Variants in SLC22A4 observed in about 807,000 individuals in gnomAD.
SLC22A4 encodes the protein solute carrier family 22 member 4.
In SLC22A4, 39 loss-of-function variants were observed where a neutral mutation model predicts 56.6. That is an observed-to-expected ratio of 0.69 (90% CI 0.53 to 0.90). The LOEUF is 0.90. Ranked by LOEUF, SLC22A4 falls within the 40% of genes least tolerant of loss-of-function variation. The pLI is 0.00. For synonymous variants in SLC22A4, 241 were observed against 281.4 expected (o/e 0.86, Z 1.44); for missense variants, 594 against 696.5 (o/e 0.85, Z 1.66).
intron 3 of SLC22A4, among the ~76,000 whole-genome samples, chr5:132,319,301 C>CAA (rs55756450): frequency 2.3e-5 from 2 of 85,494 alleles, no homozygotes; most frequent in Non-Finnish European, 2.7e-5. Context: ...AAGTCTGTCT[C>CAA]AAAAAAAAAA....
At chr5:132,306,280 A>G (rs1052123812) in intron 1 of SLC22A4, among the ~76,000 whole-genome samples, 3 of 150,844 alleles carry the variant, frequency 2.0e-5, no homozygotes, top group Non-Finnish European at 4.4e-5. Flanking sequence ...TTGTACATGA[A>G]TGTTCACAGC....
At chr5:132,320,806 A>T (rs1419806439) in intron 3 of SLC22A4, 1 of 152,222 alleles carries the variant, frequency 6.6e-6, no homozygotes. Context: ...TGACTGAGAA[A>T]ATCTCTCTTA....
At chr5:132,328,043 T>C (rs1272645899) in intron 5 of SLC22A4, among the ~76,000 whole-genome samples, 2 of 152,184 alleles carry the variant, frequency 1.3e-5, no homozygotes, top group African/African-American at 2.4e-5. Context: ...TAAAGGAACA[T>C]AGAATGTAAC....
rs1232802059 is a variant in SLC22A4, at chr5:132,328,592, CAACAA to C, written c.951+1190_951+1194del. ...TAAATGGATAAAACAACAACAACAA[CAACAA>C]CAACAACATTGGGAGTGTCTAACAC... On this transcript the variant is annotated intron_variant, in intron 5 of 9. Transcript: ENST00000200652. 2.0e-5 allele frequency among the ~76,000 whole-genome samples: 3 copies of C among 151,906 alleles called. No homozygotes were observed. In the East Asian group the frequency reaches 5.8e-4, roughly 29 times the overall value.
intron 9 of SLC22A4, 34 bp from the exon 10 acceptor site, chr5:132,343,726 A>C: frequency 1.5e-6 from 2 of 1,352,136 alleles, no homozygotes; most frequent in Non-Finnish European, 2.1e-6. Context: ...AGTCTTGAAT[A>C]TTTAATTTTC....
At chr5:132,311,218 C>T (rs1173470615) in intron 1 of SLC22A4, 1 of 152,182 alleles carries the variant, frequency 6.6e-6, no homozygotes, top group African/African-American at 2.4e-5. Flanking sequence ...GGGGTCTTTC[C>T]TCCAGACTGG....
intron 6 of SLC22A4, chr5:132,332,074 G>A: frequency 2.0e-6 from 1 of 490,814 alleles, no homozygotes; most frequent in Non-Finnish European, 3.7e-6. Context: ...AGCACTTTGG[G>A]AGGCCAAGGT....
In SLC22A4 at chr5:132,311,967, G is replaced by A. The variant is rs1163304721; in HGVS notation, c.394-194G>A. The A allele has an allele frequency of 7.7e-6, 5 of 649,048 alleles. No homozygotes were observed. In the Admixed American group the frequency reaches 1.1e-4, roughly 14 times the overall value. The allele number at this position is 649,048 out of a possible 1,614,324, so 40.2% of individuals were successfully genotyped here. A position where few individuals can be genotyped will look rare whatever the true frequency, so the allele number is the denominator to read the frequency against. On this transcript the variant is annotated intron_variant, in intron 1 of 9. Transcript: ENST00000200652. ...CAGGGAGGGCAGTGACCTGCCCCAG[G>A]TTACTCTCCCCAGTCCCGGCACAGG...
intron 1 of SLC22A4, chr5:132,295,710 C>CCGAG: frequency 1.1e-5 from 2 of 185,676 alleles, no homozygotes; most frequent in Non-Finnish European, 2.3e-5. Flanking sequence ...GATGCACACA[C>CCGAG]ACTTCTCCCG....
intron 1 of SLC22A4, among the ~76,000 whole-genome samples, chr5:132,305,633 G>A (rs1750009292): frequency 6.6e-6 from 1 of 152,196 alleles, no homozygotes; most frequent in Admixed American, 6.5e-5. Flanking sequence ...AGAAGGCAGT[G>A]GAGTGGCATA....
chr5:132,316,792 A>G (rs1750370830), intron 3 of SLC22A4, among the ~76,000 whole-genome samples: 1 of 152,230 alleles, frequency 6.6e-6, no homozygotes, highest in Non-Finnish European at 1.5e-5. Flanking sequence ...TGCAGCTTTT[A>G]CCAGCCACAT....
intron 6 of SLC22A4, among the ~76,000 whole-genome samples, chr5:132,334,086 G>C (rs1311777834): frequency 6.6e-6 from 1 of 152,104 alleles, no homozygotes; most frequent in Admixed American, 6.5e-5. Context: ...TGGGATTTCA[G>C]GCATGAGCCA....
At chr5:132,338,425 T>C (rs1751091668) in intron 8 of SLC22A4, among the ~76,000 whole-genome samples, 1 of 152,172 alleles carries the variant, frequency 6.6e-6, no homozygotes, top group African/African-American at 2.4e-5. Flanking sequence ...TGGGCACGCA[T>C]TGTCATTGAT....
At chr5:132,312,092 T>A in intron 1 of SLC22A4, 69 bp from the exon 2 acceptor site, 1 of 932,162 alleles carries the variant, frequency 1.1e-6, no homozygotes, top group South Asian at 1.3e-5. Context: ...TAATATTCCC[T>A]CAGAGCTGGG....
chr5:132,333,369 T>C (rs1255921576), intron 6 of SLC22A4, among the ~76,000 whole-genome samples: 1 of 152,176 alleles, frequency 6.6e-6, no homozygotes, highest in Non-Finnish European at 1.5e-5. Context: ...CGCTCCTCTT[T>C]TTGAAGCGGA....
intron 1 of SLC22A4, among the ~76,000 whole-genome samples, chr5:132,298,393 G>C (rs563911815): frequency 3.2e-4 from 49 of 152,340 alleles, no homozygotes; most frequent in Admixed American, 1.2e-3. Context: ...ATTATTTTCT[G>C]ATTTCACTAC....
intron 1 of SLC22A4, among the ~76,000 whole-genome samples, chr5:132,308,212 G>A (rs972571634): frequency 6.6e-6 from 1 of 152,044 alleles, no homozygotes; most frequent in Non-Finnish European, 1.5e-5. Flanking sequence ...ACCCCACCCA[G>A]GGCTGCTGGC....
At chr5:132,335,241 AC>A (rs59616671) in intron 7 of SLC22A4, among the ~76,000 whole-genome samples, 4,130 of 152,202 alleles carry the variant, frequency 0.027, 129 homozygotes, top group African/African-American at 0.077. Flanking sequence ...ATTTCTGGCT[AC>A]TCTCAAACAT....
chr5:132,294,910 G>T lies in SLC22A4; in HGVS notation c.294G>T (p.Glu98Asp). Residue 98 changes from glutamate (E) to aspartate (D), a missense_variant, in exon 1 of 10, where the codon GAG becomes GAT. Physicochemically the swap from Glu to Asp is conservative, Grantham distance 45. Coordinates refer to ENST00000200652, the MANE Select transcript of SLC22A4 (RefSeq NM_003059.3). This position sits in a 1 kb window ranked among gnomAD's most constrained non-coding sequence, Gnocchi z 5.6. ...TIANFSALGL[E>D]PGRDVDLGQL... ...CCAACTTCTCGGCGCTCGGGCTGGA[G>T]CCGGGGCGCGACGTGGACCTGGGGC... 1 of 1,595,796 alleles carries T rather than the reference G, an allele frequency of 6.3e-7. No individual in the cohort carries two copies. The highest frequency in any genetic ancestry group is 8.5e-7 in the Non-Finnish European group (1 of 1,171,960).
Sources: gnomAD v4.1 joint callset for allele counts (sites outside exome capture counted in the v4.1 genomes callset) on GRCh38, gnomAD v4.1.1 for gene constraint, Gnocchi (gnomAD v3.1) non-coding constraint, MANE v1.5 for transcripts, NCBI Gene and HGNC (gene_info 2026-07-23, HGNC 2026-07-21) for gene names.